Variants in AMMECR1 observed in about 807,000 individuals in gnomAD.
AMMECR1 encodes nuclear protein AMMECR1.
In AMMECR1, 3 loss-of-function variants were observed where a neutral mutation model predicts 22.5. The observed-to-expected ratio is 0.13, with a 90% CI of 0.06 to 0.35. AMMECR1 has a LOEUF of 0.35. Ranked by LOEUF, AMMECR1 falls within the 10% of genes least tolerant of loss-of-function variation. The pLI is 1.00. For synonymous variants in AMMECR1, 130 were observed against 116.7 expected (o/e 1.11, Z -0.74); for missense variants, 235 against 278.7 (o/e 0.84, Z 1.12).
chrX:110,324,471 G>T (rs2068090328), intron 2 of AMMECR1, among the ~76,000 whole-genome samples: 1 of 108,852 alleles, frequency 9.2e-6, no homozygotes, highest in African/African-American at 3.4e-5. Context: ...TAATTGCTTT[G>T]CCTAAAACCT....
intron 1 of AMMECR1, among the ~76,000 whole-genome samples, chrX:110,298,546 G>A (rs960473863): frequency 4.5e-5 from 5 of 110,741 alleles, no homozygotes; most frequent in Non-Finnish European, 5.7e-5. Context: ...AAGAGTAAGC[G>A]AAAAGAAAGA....
At chrX:110,349,500 C>G (rs953107130) in intron 2 of AMMECR1, among the ~76,000 whole-genome samples, 5 of 111,466 alleles carry the variant, frequency 4.5e-5, no homozygotes, top group African/African-American at 1.6e-4. Context: ...AATTTTGAGG[C>G]AAACAAAGTT....
intron 2 of AMMECR1, chrX:110,346,694 T>G (rs767072762): frequency 1.4e-6 from 1 of 719,419 alleles, no homozygotes; most frequent in South Asian, 2.1e-5. Context: ...CTTTGAAAGA[T>G]TCATTGTACT....
intron 2 of AMMECR1, among the ~76,000 whole-genome samples, chrX:110,412,049 GC>G (rs1388623978): frequency 8.9e-6 from 1 of 112,964 alleles, no homozygotes; most frequent in Non-Finnish European, 1.9e-5. Context: ...AAGGGCCTAT[GC>G]CCTATTAAAA....
chrX:110,369,126 A>G (rs1412784951), intron 2 of AMMECR1, among the ~76,000 whole-genome samples: 1 of 111,756 alleles, frequency 8.9e-6, no homozygotes. Flanking sequence ...AAGTCAGGGA[A>G]TTGAGACCAT....
At chrX:110,315,629 T>C (rs2068044362) in intron 1 of AMMECR1, among the ~76,000 whole-genome samples, 1 of 112,653 alleles carries the variant, frequency 8.9e-6, no homozygotes, top group Admixed American at 9.4e-5. Flanking sequence ...ATTCTTGTTA[T>C]AGTCATTGAG....
chrX:110,287,492 C>T (rs2067886475), intron 1 of AMMECR1, among the ~76,000 whole-genome samples: 1 of 111,915 alleles, frequency 8.9e-6, no homozygotes, highest in Non-Finnish European at 1.9e-5. Flanking sequence ...GTTCACACTT[C>T]CTTATGTAAC....
intron 1 of AMMECR1, among the ~76,000 whole-genome samples, chrX:110,306,449 CTT>C (rs1033262674): frequency 9.0e-6 from 1 of 111,054 alleles, no homozygotes; most frequent in African/African-American, 3.3e-5. Flanking sequence ...ACCTCTGGTA[CTT>C]TTATTTTTTT....
intron 1 of AMMECR1, among the ~76,000 whole-genome samples, chrX:110,281,590 C>T (rs917337262): frequency 4.5e-5 from 5 of 111,927 alleles, no homozygotes; most frequent in African/African-American, 1.6e-4. Context: ...CATGCCCTTA[C>T]ACTCCACTCG....
At position 110,195,780 on chromosome X, in the gene AMMECR1, A is replaced by C. The variant is rs1305229441; in HGVS notation, c.*2740T>G. The C allele has an allele frequency of 8.9e-6, 1 of 112,515 alleles. No homozygotes were observed. Among genetic ancestry groups the C allele is most frequent in the Non-Finnish European group, 1.9e-5 (1 of 53,300 alleles). The allele number at this position is 112,515 out of a possible 1,213,427, so 9.3% of individuals were successfully genotyped here. On this transcript the variant is annotated 3_prime_UTR_variant, in exon 6 of 6. Transcript: ENST00000262844. ...TTCAACATGTTCAAAGTTAATTCAT[A>C]CCACATAATTAACAGCTTTGTATAT...
chrX:110,320,531 G>C (rs1258051656), upstream of AMMECR1, among the ~76,000 whole-genome samples: 1 of 111,998 alleles, frequency 8.9e-6, no homozygotes, highest in African/African-American at 3.2e-5. Flanking sequence ...TCCCAATTTA[G>C]AATTTGGCCA....
chrX:110,423,910 A>G (rs2068736725), intron 2 of AMMECR1, among the ~76,000 whole-genome samples: 1 of 112,519 alleles, frequency 8.9e-6, no homozygotes, highest in Non-Finnish European at 1.9e-5. Flanking sequence ...TTCTCCTCTC[A>G]GGCAGATGCT....
intron 2 of AMMECR1, among the ~76,000 whole-genome samples, chrX:110,391,620 CTT>C (rs2068494133): frequency 8.9e-6 from 1 of 112,116 alleles, no homozygotes; most frequent in South Asian, 3.7e-4. Context: ...GTAATTTTCT[CTT>C]TGTCCCACCA....
intron 2 of AMMECR1, among the ~76,000 whole-genome samples, chrX:110,371,626 C>T (rs1280118375): frequency 9.0e-6 from 1 of 111,193 alleles, no homozygotes; most frequent in African/African-American, 3.3e-5. Context: ...AAGGCACTAA[C>T]AGGGGACTGG....
intron 1 of AMMECR1, among the ~76,000 whole-genome samples, chrX:110,294,580 C>A (rs185402818): frequency 0.015 from 1,673 of 111,615 alleles, 29 homozygotes; most frequent in African/African-American, 0.052. Context: ...TGCGTTAAAA[C>A]CTGTTGAGAG....
chrX:110,425,294 G>A (rs1349262531), intron 2 of AMMECR1, among the ~76,000 whole-genome samples: 4 of 112,190 alleles, frequency 3.6e-5, no homozygotes, highest in Non-Finnish European at 5.6e-5. Context: ...GGGGTTGCAT[G>A]TTGATGGGTA....
chrX:110,428,979 C>T (rs1341638689), intron 1 of AMMECR1, among the ~76,000 whole-genome samples: 3 of 112,082 alleles, frequency 2.7e-5, no homozygotes, highest in African/African-American at 6.5e-5. Flanking sequence ...CTTGCTCCTC[C>T]TTCAACTGCT....
chrX:110,225,065 A>G (rs370513205), intron 2 of AMMECR1: 83 of 370,423 alleles, frequency 2.2e-4, no homozygotes, highest in African/African-American at 2.0e-3. Context: ...ACCAGGATCC[A>G]AACAGTTTTG....
At chrX:110,349,230 G>A (rs1360061897) in intron 2 of AMMECR1, among the ~76,000 whole-genome samples, 1 of 112,094 alleles carries the variant, frequency 8.9e-6, no homozygotes, top group Non-Finnish European at 1.9e-5. Flanking sequence ...AGGCCACATA[G>A]CTGGTCTCTT....
Sources: gnomAD v4.1 joint callset for allele counts (sites outside exome capture counted in the v4.1 genomes callset) on GRCh38, gnomAD v4.1.1 for gene constraint, MANE v1.5 for transcripts, NCBI Gene and HGNC (gene_info 2026-07-23, HGNC 2026-07-21) for gene names.